CASK: variants seen among roughly 807,000 people sequenced by gnomAD.
CASK encodes the protein calcium/calmodulin dependent serine protein kinase.
Under a neutral mutation model 82.9 loss-of-function variants are expected in CASK, and 4 were observed. The ratio of observed to expected loss-of-function variants is 0.05; its 90% CI spans 0.02 to 0.11. CASK has a LOEUF of 0.11. Among genes scored for constraint, CASK ranks in the 10% least tolerant of loss-of-function variants. The probability of loss-of-function intolerance (pLI) is 1.00; values close to 1 mark genes in which losing one functional copy is unlikely to be tolerated. For synonymous variants in CASK, 259 were observed against 253.5 expected (o/e 1.02, Z -0.20); for missense variants, 358 against 720.9 (o/e 0.50, Z 5.76).
chrX:41,793,595 G>A (rs2069780746), intron 2 of CASK, among the ~76,000 whole-genome samples: 1 of 111,914 alleles, frequency 8.9e-6, no homozygotes. Flanking sequence ...GGTTGTGTTA[G>A]AAATTCAACA....
At chrX:41,847,299 CT>C (rs1382177410) in intron 2 of CASK, among the ~76,000 whole-genome samples, 1 of 111,517 alleles carries the variant, frequency 9.0e-6, no homozygotes, top group African/African-American at 3.3e-5. Context: ...TTTGCTCATT[CT>C]TTTATCTTTC....
intron 2 of CASK, among the ~76,000 whole-genome samples, chrX:41,833,152 A>C (rs2070858463): frequency 8.9e-6 from 1 of 111,958 alleles, no homozygotes; most frequent in African/African-American, 3.3e-5. Flanking sequence ...ATTATCAAGT[A>C]GGTGAATTTT....
intron 2 of CASK, among the ~76,000 whole-genome samples, chrX:41,802,393 G>C (rs2070018678): frequency 9.0e-6 from 1 of 111,444 alleles, no homozygotes; most frequent in Non-Finnish European, 1.9e-5. Context: ...GGAAAGAAAA[G>C]GTTAGAGATG....
At chrX:41,795,538 T>C (rs1481537093) in intron 2 of CASK, among the ~76,000 whole-genome samples, 2 of 110,552 alleles carry the variant, frequency 1.8e-5, no homozygotes, top group Non-Finnish European at 3.8e-5. Context: ...CGGTGACGTG[T>C]GCCTGTAGTC....
At position 41,613,833 on chromosome X, in the gene CASK, C is replaced by T. The variant is rs187069222; in HGVS notation, c.1034-3808G>A. 1.9e-3 allele frequency among the ~76,000 whole-genome samples: 214 copies of T among 111,272 alleles called. 1 individual carries two copies. The highest frequency in any genetic ancestry group is 1.6e-3 in the Non-Finnish European group (84 of 53,037). ...TCATTCTGTTCTTATCCATACTTTC[C>T]AAGTTTTTCTACAATAGCAAAACAA... On this transcript the variant is annotated intron_variant, in intron 11 of 26. Transcript: ENST00000378163.
chrX:41,686,611 C>T (rs2067445506), intron 5 of CASK, among the ~76,000 whole-genome samples: 2 of 111,174 alleles, frequency 1.8e-5, no homozygotes, highest in South Asian at 7.4e-4. Flanking sequence ...TTGAGAACCA[C>T]TGGACTAAGG....
In CASK at chrX:41,690,293, G is replaced by GA. The variant is rs781742699; in HGVS notation, c.430-18764dup. Among the ~76,000 whole-genome samples the GA allele has an allele frequency of 1.8e-3, 192 of 104,896 alleles. 1 individual carries two copies. Among genetic ancestry groups the GA allele is most frequent in the African/African-American group, 5.9e-3 (168 of 28,693 alleles). The allele number at this position is 104,896 out of a possible 115,157, so 91.1% of individuals were successfully genotyped here. ...TAATGTACTAACCAACTTCAAAGGA[G>GA]AAAAAAAAACAGTCACCAAGTTTAA... On this transcript the variant is annotated intron_variant, in intron 5 of 26. Transcript: ENST00000378163.
At chrX:41,661,703 A>C (rs2067036394) in intron 7 of CASK, among the ~76,000 whole-genome samples, 1 of 109,245 alleles carries the variant, frequency 9.2e-6, no homozygotes, top group African/African-American at 3.3e-5. Context: ...CAGAATTTCA[A>C]ATAGTAGCCA....
At chrX:41,732,446 C>G (rs1251399981) in intron 5 of CASK, among the ~76,000 whole-genome samples, 1 of 111,262 alleles carries the variant, frequency 9.0e-6, no homozygotes, top group East Asian at 2.8e-4. Flanking sequence ...GTGGGAGTTA[C>G]GGGCAAATCT....
At chrX:41,603,047 A>G (rs940556054) in intron 12 of CASK, among the ~76,000 whole-genome samples, 1 of 111,893 alleles carries the variant, frequency 8.9e-6, no homozygotes, top group Non-Finnish European at 1.9e-5. Flanking sequence ...ATAATTGCCA[A>G]AGCTGACTCT....
intron 22 of CASK, among the ~76,000 whole-genome samples, chrX:41,539,542 G>A (rs1028959203): frequency 1.8e-5 from 2 of 112,088 alleles, no homozygotes; most frequent in Admixed American, 9.5e-5. Flanking sequence ...TGGCCCATGA[G>A]CCCATCTGGT....
At chrX:41,748,518 C>A in intron 3 of CASK, 1 of 210,571 alleles carries the variant, frequency 4.7e-6, no homozygotes, top group South Asian at 7.5e-5. Flanking sequence ...AGTTTGGATT[C>A]ACTGTACTAA....
chrX:41,724,388 G>T (rs1569419630), intron 5 of CASK: 1 of 112,452 alleles, frequency 8.9e-6, no homozygotes, highest in Non-Finnish European at 1.9e-5. Context: ...CATTAAGAAA[G>T]GCAGTCAGCA....
chrX:41,852,927 CCTGT>C (rs1478621636), intron 2 of CASK, among the ~76,000 whole-genome samples, 184 bp downstream of exon 2: 1 of 111,094 alleles, frequency 9.0e-6, no homozygotes, highest in Non-Finnish European at 1.9e-5. Flanking sequence ...TGTAAATTAC[CCTGT>C]CTTTCAAATA....
chrX:41,822,557 C>CAAAAAAAA (rs61374081), intron 2 of CASK, among the ~76,000 whole-genome samples: 4 of 50,664 alleles, frequency 7.9e-5, no homozygotes, highest in African/African-American at 2.7e-4. Flanking sequence ...GACTCCGTCT[C>CAAAAAAAA]AAAAAAAAAA....
intron 5 of CASK, among the ~76,000 whole-genome samples, chrX:41,679,098 T>A (rs1288191129): frequency 9.1e-6 from 1 of 109,626 alleles, no homozygotes; most frequent in Non-Finnish European, 1.9e-5. Flanking sequence ...AAAACTTCTA[T>A]AAAAAGTAAA....
chrX:41,604,817 G>C (rs1301155881), intron 12 of CASK, among the ~76,000 whole-genome samples: 2 of 112,331 alleles, frequency 1.8e-5, no homozygotes, highest in Admixed American at 9.5e-5. Context: ...CTGCATATGT[G>C]TGCCAGGCTG....
intron 5 of CASK, among the ~76,000 whole-genome samples, chrX:41,705,714 G>A (rs1474291317): frequency 9.0e-6 from 1 of 111,667 alleles, no homozygotes; most frequent in Non-Finnish European, 1.9e-5. Context: ...CAGTAATCAC[G>A]TAAATGTGGT....
rs778743504 is a variant in CASK, at chrX:41,706,810, C to T, written c.429+32574G>A. 2.7e-5 allele frequency among the ~76,000 whole-genome samples: 3 copies of T among 111,658 alleles called. No homozygotes were observed. The Admixed American group carries it at 2.9e-4, about 11-fold the overall frequency. On this transcript the variant is annotated intron_variant, in intron 5 of 26. Transcript: ENST00000378163. Reference sequence around the variant, plus strand: ...GGGACCACAGGCAAGTGCCACTGTACCCAGCTGGATTCATGGCACACTGAA... The same window carrying T: ...GGGACCACAGGCAAGTGCCACTGTATCCAGCTGGATTCATGGCACACTGAA...
Sources: gnomAD v4.1 joint callset for allele counts (sites outside exome capture counted in the v4.1 genomes callset) on GRCh38, gnomAD v4.1.1 for gene constraint, MANE v1.5 for transcripts, NCBI Gene and HGNC (gene_info 2026-07-23, HGNC 2026-07-21) for gene names.